Variants in SEPTIN14 observed in about 807,000 individuals in gnomAD.
SEPTIN14 encodes the protein septin-14.
Under a neutral mutation model 53.6 loss-of-function variants are expected in SEPTIN14, and 40 were observed. The ratio of observed to expected loss-of-function variants is 0.75; its 90% CI spans 0.58 to 0.97. SEPTIN14 has a LOEUF of 0.97. Among genes scored for constraint, SEPTIN14 ranks in the 50% least tolerant of loss-of-function variants. The probability of loss-of-function intolerance (pLI) is 0.00; values close to 1 mark genes in which losing one functional copy is unlikely to be tolerated. For synonymous variants in SEPTIN14, 138 were observed against 166.8 expected (o/e 0.83, Z 1.33); for missense variants, 471 against 508.2 (o/e 0.93, Z 0.70).
chr7:55,840,226 C>T (rs190990460), intron 5 of SEPTIN14, among the ~76,000 whole-genome samples: 7 of 150,862 alleles, frequency 4.6e-5, no homozygotes, highest in East Asian at 3.9e-4. Context: ...CAGTGACTCA[C>T]GCCTGTAATC....
At chr7:55,798,030 G>T in intron 9 of SEPTIN14, 1 of 166,234 alleles carries the variant, frequency 6.0e-6, no homozygotes, top group South Asian at 1.4e-4. Flanking sequence ...CCCCTGCCCA[G>T]ACCATGTACT....
Position 55,805,489 on chromosome 7 carries a change from G to A in SEPTIN14, c.987-99C>T, listed in dbSNP as rs769657654. ...TGCAGAGAATCAAAATCGTGCCACTGCACGTCAGCCTGGGAGACAGAGTAA... is the reference window on the plus strand; with the variant it reads ...TGCAGAGAATCAAAATCGTGCCACTACACGTCAGCCTGGGAGACAGAGTAA... On this transcript the variant is annotated intron_variant, in intron 8 of 9. Transcript: ENST00000388975. 1.9e-5 allele frequency: 15 copies of A among 785,142 alleles called. No homozygotes were observed. In the South Asian group the frequency reaches 2.5e-4, roughly 13 times the overall value. 48.6% of individuals were successfully genotyped at this position (785,142 alleles called of 1,614,324 possible).
In SEPTIN14 at chr7:55,793,963, G is replaced by A. The variant is rs1288680822; in HGVS notation, c.*1950C>T. The A allele has an allele frequency of 6.6e-6, 1 of 152,046 alleles. No homozygotes were observed. Among genetic ancestry groups the A allele is most frequent in the African/African-American group, 2.4e-5 (1 of 41,428 alleles). 9.4% of individuals were successfully genotyped at this position (152,046 alleles called of 1,614,324 possible). ...TAAATCTGGAAACTCTATTTCACAT[G>A]AAACTGGAGCTGAAAGAGACAAATA... On this transcript the variant is annotated 3_prime_UTR_variant, in exon 10 of 10. Transcript: ENST00000388975.
chr7:55,805,890 TATC>T (rs1481300902), intron 8 of SEPTIN14, among the ~76,000 whole-genome samples: 1 of 152,194 alleles, frequency 6.6e-6, no homozygotes. Flanking sequence ...TCTTTCAAAA[TATC>T]ATCATTCATT....
chr7:55,846,087 A>G (rs866614276), intron 3 of SEPTIN14, among the ~76,000 whole-genome samples: 1 of 129,930 alleles, frequency 7.7e-6, no homozygotes, highest in African/African-American at 2.9e-5. Flanking sequence ...ATATATATAT[A>G]TATATGTATA....
chr7:55,839,036 C>A (rs1214747939), intron 5 of SEPTIN14, among the ~76,000 whole-genome samples: 1 of 152,138 alleles, frequency 6.6e-6, no homozygotes, highest in Non-Finnish European at 1.5e-5. Context: ...CATTTTATCT[C>A]AACATGTAGG....
At chr7:55,810,892 C>A (rs984071699) in intron 7 of SEPTIN14, 11 of 346,824 alleles carry the variant, frequency 3.2e-5, no homozygotes, top group Admixed American at 1.0e-4. Context: ...ATGGACACAT[C>A]CAATAAGCCC....
intron 5 of SEPTIN14, among the ~76,000 whole-genome samples, chr7:55,837,878 A>C (rs1789238272): frequency 6.6e-6 from 1 of 152,056 alleles, no homozygotes; most frequent in Non-Finnish European, 1.5e-5. Context: ...CCTGGCTCCC[A>C]GCCCTCCCCA....
At chr7:55,808,653 G>A (rs1788647443) in intron 7 of SEPTIN14, among the ~76,000 whole-genome samples, 1 of 152,148 alleles carries the variant, frequency 6.6e-6, no homozygotes, top group South Asian at 2.1e-4. Context: ...CTGGGTTCAA[G>A]TGATTCTCCA....
At chr7:55,842,576 C>T (rs1789330886) in intron 5 of SEPTIN14, among the ~76,000 whole-genome samples, 2 of 150,566 alleles carry the variant, frequency 1.3e-5, no homozygotes, top group Non-Finnish European at 2.9e-5. Flanking sequence ...GCACTCTAGC[C>T]TGGGTGACAG....
In SEPTIN14 at chr7:55,842,770, G is replaced by A. The variant is rs552463791; in HGVS notation, c.558+172C>T. Among the ~76,000 whole-genome samples the A allele has an allele frequency of 2.2e-4, 33 of 152,086 alleles. No individual in the cohort carries two copies. In the East Asian group the frequency reaches 4.1e-3, roughly 19 times the overall value. ...TACTAAAAATACAAAAAAATTAGCCGGGCGTGGTGGCAGGTGCCTGTAGTC... is the reference window on the plus strand; with the variant it reads ...TACTAAAAATACAAAAAAATTAGCCAGGCGTGGTGGCAGGTGCCTGTAGTC... On this transcript the variant is annotated intron_variant, in intron 5 of 9. Coordinates refer to ENST00000388975, the MANE Select transcript of SEPTIN14 (RefSeq NM_207366.3).
At chr7:55,845,631 A>T (rs1487901471) in intron 3 of SEPTIN14, among the ~76,000 whole-genome samples, 1 of 152,218 alleles carries the variant, frequency 6.6e-6, no homozygotes, top group East Asian at 1.9e-4. Context: ...AATTGTAAAC[A>T]TATAGCAAAA....
At chr7:55,855,546 C>CTTTTT (rs937055908) in intron 2 of SEPTIN14, among the ~76,000 whole-genome samples, 4 of 151,858 alleles carry the variant, frequency 2.6e-5, no homozygotes, top group Non-Finnish European at 4.4e-5. Context: ...TCTGTAGGTG[C>CTTTTT]TTTTTTCTTT....
chr7:55,847,345 G>C (rs114412444), intron 2 of SEPTIN14, among the ~76,000 whole-genome samples: 2 of 152,142 alleles, frequency 1.3e-5, no homozygotes, highest in East Asian at 3.9e-4. Context: ...CTGCTGCAGC[G>C]TATTAATATA....
Position 55,795,462 on chromosome 7 carries a change from C to CCTTTTTTTTTTTTTTTTTTTTTTT in SEPTIN14, c.*450_*451insAAAAAAAAAAAAAAAAAAAAAAAG. On this transcript the variant is annotated 3_prime_UTR_variant, in exon 10 of 10. Transcript: ENST00000388975. ...AGGATCTGCCTTCTGGGAGTTCATA[C>CCTTTTTTTTTTTTTTTTTTTTTTT]TTTTTTTTTTTTTTTTTTTTTTGAG... 1 of 117,884 alleles carries CCTTTTTTTTTTTTTTTTTTTTTTT rather than the reference C, an allele frequency of 8.5e-6. No homozygotes were observed. The highest frequency in any genetic ancestry group is 3.3e-5 in the African/African-American group (1 of 30,390). 7.3% of individuals were successfully genotyped at this position (117,884 alleles called of 1,614,324 possible).
chr7:55,846,269 G>T (rs2116057520), intron 3 of SEPTIN14, among the ~76,000 whole-genome samples: 1 of 150,708 alleles, frequency 6.6e-6, no homozygotes, highest in South Asian at 2.1e-4. Context: ...GAGGTGGGCA[G>T]ATTGCTTGAG....
At chr7:55,822,317 T>C (rs1311888879) in intron 6 of SEPTIN14, among the ~76,000 whole-genome samples, 1 of 152,212 alleles carries the variant, frequency 6.6e-6, no homozygotes, top group Non-Finnish European at 1.5e-5. Flanking sequence ...ATTGTCAAGA[T>C]GTCAATGTTC....
intron 6 of SEPTIN14, among the ~76,000 whole-genome samples, chr7:55,830,771 G>GA (rs1250528375): frequency 6.6e-6 from 1 of 151,640 alleles, no homozygotes; most frequent in Non-Finnish European, 1.5e-5. Context: ...ACTAAACCAG[G>GA]AAAAAATAGA....
At chr7:55,855,980 A>G (rs958615838) in intron 2 of SEPTIN14, among the ~76,000 whole-genome samples, 11 of 152,150 alleles carry the variant, frequency 7.2e-5, no homozygotes, top group African/African-American at 1.9e-4. Context: ...GTTTGATTTA[A>G]TGTATGTATT....
Sources: allele counts gnomAD v4.1 joint callset (sites outside exome capture counted in the v4.1 genomes callset), GRCh38; gene constraint gnomAD v4.1.1; transcripts MANE v1.5; gene names NCBI Gene and HGNC (gene_info 2026-07-23, HGNC 2026-07-21).